Variants in ARHGAP9 observed in about 807,000 individuals in gnomAD.
The protein encoded by ARHGAP9 is rho GTPase-activating protein 9.
In ARHGAP9, 76 loss-of-function variants were observed where a neutral mutation model predicts 87.3. The observed-to-expected ratio is 0.87, with a 90% CI of 0.72 to 1.05. ARHGAP9 has a LOEUF of 1.05. Among genes scored for constraint, ARHGAP9 ranks in the 50% least tolerant of loss-of-function variants. The pLI, the probability that ARHGAP9 is intolerant of heterozygous loss-of-function variation, is 0.00. For missense variants in ARHGAP9, 941 were observed against 960.5 expected, an observed-to-expected ratio of 0.98 and a Z score of 0.27; for synonymous variants, 382 against 394.9, an observed-to-expected ratio of 0.97 and a Z score of 0.39.
At chr12:57,484,547 C>T (rs1409150768), upstream of ARHGAP9, among the ~76,000 whole-genome samples, 3 of 152,120 alleles carry the variant, frequency 2.0e-5, no homozygotes, top group Non-Finnish European at 2.9e-5. Context: ...ACCTTCAATG[C>T]CTTCTACAGT....
At chr12:57,476,689 C>G (rs765635545) in intron 6 of ARHGAP9, 38 bp from the exon 7 acceptor site, 25 of 1,613,106 alleles carry the variant, frequency 1.5e-5, no homozygotes, top group Non-Finnish European at 2.1e-5. Flanking sequence ...AAGTCACCCT[C>G]GCCCTCCATA....
At position 57,474,972 on chromosome 12, in the gene ARHGAP9, G is replaced by A; in HGVS notation, c.1554C>T (p.Asp518=). 1 of 1,613,672 alleles carries A rather than the reference G, an allele frequency of 6.2e-7. No individual in the cohort carries two copies. Among genetic ancestry groups the A allele is most frequent in the Admixed American group, 1.7e-5 (1 of 60,018 alleles). ...ATTCCAACTGGCAGCCGAACACCTG[G>A]TCTGGGGAAGTAGAGTGAGGCGGGA... ...QSLQERGLLR[D]QVFGCQLESL... The change falls in exon 13 of 18, where the codon GAC becomes GAT. Residue 518 remains aspartate (D), a splice_region_variant and synonymous_variant. Transcript: ENST00000393791.
At chr12:57,475,685 C>T (rs1873346367) in intron 10 of ARHGAP9, 70 bp from the exon 11 acceptor site, 4 of 1,572,596 alleles carry the variant, frequency 2.5e-6, no homozygotes, top group Non-Finnish European at 3.5e-6. Flanking sequence ...GGACTCTGAC[C>T]CACTGCCGGG....
Position 57,475,572 on chromosome 12 carries a change from G to A in ARHGAP9, c.1355C>T (p.Pro452Leu). 1.2e-6 allele frequency: 2 copies of A among 1,611,592 alleles called. No individual in the cohort carries two copies. Among genetic ancestry groups the A allele is most frequent in the Non-Finnish European group, 1.7e-6 (2 of 1,179,230 alleles). ...GTCCTCCCCGGCGCTCAGCTCCGCG[G>A]GTCCAGAGCCCGACAGACGCAGCTC... is the stretch of plus-strand genomic sequence containing the variant. ...PLELRLSGSG[P>L]AELSAGEDEE... is the part of the protein sequence containing the mutation. Residue 452 changes from proline to leucine, a missense_variant, in exon 11 of 18, where the codon CCC (proline) becomes CTC (leucine). Pro to Leu is a moderately conservative substitution (Grantham distance 98). Transcript: ENST00000393791.
At chr12:57,474,577 C>T (rs541605179) in intron 14 of ARHGAP9, 49 bp downstream of exon 14, 23 of 1,613,412 alleles carry the variant, frequency 1.4e-5, no homozygotes, top group Non-Finnish European at 1.7e-5. Flanking sequence ...GCCCATGGTT[C>T]TCAGGCAAGA....
rs370040540 is a variant in ARHGAP9 at position 57,476,879 on chromosome 12, C to T, written c.955G>A (p.Asp319Asn). The change falls in exon 6 of 18, where the codon GAC becomes AAC. Residue 319 changes from aspartate (D) to asparagine (N), a missense_variant. Transcript: ENST00000393791. ...APRPLPQLLDDPHEVEKSGLL... is the reference protein window; with the variant it reads ...APRPLPQLLDNPHEVEKSGLL... ...AGAAATGGGAGATTCACATGGGGGT[C>T]GTCCAGGAGCTGCGGCAGAGGTCGA... 54 of 1,613,566 alleles carry T rather than the reference C, an allele frequency of 3.3e-5. No homozygotes were observed. In the African/African-American group the frequency reaches 5.5e-4, roughly 16 times the overall value.
In ARHGAP9 at chr12:57,473,703, A is replaced by T; in HGVS notation, c.1924T>A (p.Ser642Thr). ...TGAGAGAGGCACTGCTCTGATTCGG[A>T]GAGTGCTAGAGAGAGTGATGGGAAA... ...LPHFRAALALSESEQCLSQIQ... is the reference protein window; with the variant it reads ...LPHFRAALALTESEQCLSQIQ... The change falls in exon 17 of 18, where the codon TCC (serine) becomes ACC (threonine). Residue 642 changes from serine to threonine, a missense_variant. By Grantham distance (58) the Ser-to-Thr change is moderately conservative. Transcript: ENST00000393791. 1 of 1,613,414 alleles carries T rather than the reference A, an allele frequency of 6.2e-7. No homozygotes were observed. The highest frequency in any genetic ancestry group is 8.5e-7 in the Non-Finnish European group (1 of 1,179,328).
upstream of ARHGAP9, chr12:57,484,087 T>G: frequency 4.0e-6 from 1 of 251,152 alleles, no homozygotes; most frequent in South Asian, 3.3e-5. Context: ...GTGCGGTGGC[T>G]CACACCTGTA....
Position 57,479,437 on chromosome 12 carries a change from G to T in ARHGAP9, c.-18-13C>A. On this transcript the variant is annotated splice_polypyrimidine_tract_variant and intron_variant, in intron 1 of 17. Transcript: ENST00000393791. ...CCAGCACTGTCACCTGTGAGAAAAAGGGACACTGGAGACCCAGAAGGGAAT... is the reference window on the plus strand; with the variant it reads ...CCAGCACTGTCACCTGTGAGAAAAATGGACACTGGAGACCCAGAAGGGAAT... 6.2e-7 allele frequency: 1 copy of T among 1,601,040 alleles called. No homozygotes were observed. The highest frequency in any genetic ancestry group is 8.5e-7 in the Non-Finnish European group (1 of 1,174,240).
chr12:57,476,147 G>A lies in ARHGAP9; in HGVS notation c.1136C>T (p.Pro379Leu). Residue 379 changes from proline (P) to leucine (L), a missense_variant, in exon 9 of 18, where the codon CCC becomes CTC. Pro to Leu is a moderately conservative substitution (Grantham distance 98). Coordinates refer to ENST00000393791, the MANE Select transcript of ARHGAP9 (RefSeq NM_032496.4). ...CCCGCGCAGGTCCACGCTACTTTCGGGCCGGCTACCCGCTGGTCCCTGACA... is the reference window on the plus strand; with the variant it reads ...CCCGCGCAGGTCCACGCTACTTTCGAGCCGGCTACCCGCTGGTCCCTGACA... ...SSGWGPAGSRPESSVDLRGAA... is the reference protein window; with the variant it reads ...SSGWGPAGSRLESSVDLRGAA... 6.5e-7 allele frequency: 1 copy of A among 1,542,948 alleles called. No individual in the cohort carries two copies. The highest frequency in any genetic ancestry group is 8.7e-7 in the Non-Finnish European group (1 of 1,143,684).
chr12:57,474,296 A>G, intron 15 of ARHGAP9, 120 bp from the exon 16 acceptor site: 1 of 1,573,438 alleles, frequency 6.4e-7, no homozygotes, highest in Non-Finnish European at 8.7e-7. Context: ...GAGGGTCTGC[A>G]GTGGGGCAAG....
In ARHGAP9 at chr12:57,476,071, G is replaced by T; in HGVS notation, c.1212C>A (p.His404Gln). 1 of 1,533,376 alleles carries T rather than the reference G, an allele frequency of 6.5e-7. No homozygotes were observed. Among genetic ancestry groups the T allele is most frequent in the South Asian group, 1.2e-5 (1 of 82,854 alleles). 95.0% of individuals were successfully genotyped at this position (1,533,376 alleles called of 1,614,324 possible). ...RHLSSRRNVL[H>Q]IRTIPGHEFL... is the part of the protein sequence containing the mutation. ...TGGGGACGCGCGGGAGGGCGCTCAC[G>T]TGCAGGACGTTGCGGCGGCTGGACA... is the stretch of plus-strand genomic sequence containing the variant. Residue 404 changes from histidine (H) to glutamine (Q), a missense_variant and splice_region_variant, in exon 9 of 18, where the codon CAC (histidine) becomes CAA (glutamine). Transcript: ENST00000393791.
chr12:57,479,728 A>G lies in ARHGAP9; in HGVS notation c.-19+2T>C. 6.4e-7 allele frequency: 1 copy of G among 1,550,722 alleles called. No individual in the cohort carries two copies. The highest frequency in any genetic ancestry group is 8.7e-7 in the Non-Finnish European group (1 of 1,146,994). ...CTAGGCCAGTAGTTTTCCTCCAAGT[A>G]CCTTGTGGGGCCCATCAGAAGATTC... On this transcript the variant is annotated splice_donor_variant, in intron 1 of 17. Transcript: ENST00000393791. LOFTEE classifies it low-confidence loss of function (5UTR_SPLICE).
In ARHGAP9 at chr12:57,476,600, G is replaced by GC. The variant is rs771769575; in HGVS notation, c.1014dup (p.Arg339AlafsTer17). On this transcript the variant is annotated frameshift_variant, in exon 7 of 18. Coordinates refer to ENST00000393791, the MANE Select transcript of ARHGAP9 (RefSeq NM_032496.4). LOFTEE classifies it high-confidence loss of function. Reference sequence around the variant, plus strand: ...ATTCTGGGTTCTCACCTGAGCTTGCGCCCCCCTTGGGCAATCTTGGTCATG... The same window carrying GC: ...ATTCTGGGTTCTCACCTGAGCTTGCGCCCCCCCTTGGGCAATCTTGGTCATG... The GC allele has an allele frequency of 3.7e-6, 6 of 1,614,118 alleles. No individual in the cohort carries two copies. Among genetic ancestry groups the GC allele is most frequent in the Admixed American group, 1.7e-5 (1 of 60,020 alleles).
chr12:57,477,012 A>T, intron 5 of ARHGAP9, 49 bp from the exon 6 acceptor site: 2 of 1,443,198 alleles, frequency 1.4e-6, no homozygotes, highest in Non-Finnish European at 1.9e-6. Flanking sequence ...CGACTCAGGG[A>T]TCCCTGGCTG....
In ARHGAP9 at chr12:57,479,389, C is replaced by A. The variant is rs1169566907; in HGVS notation, c.18G>T (p.Trp6Cys). Residue 6 changes from tryptophan (W) to cysteine (C), a missense_variant, in exon 2 of 18, where the codon TGG (tryptophan) becomes TGT (cysteine). Coordinates refer to ENST00000393791, the MANE Select transcript of ARHGAP9 (RefSeq NM_032496.4). MLSSR[W>C]WPSSWGILGL... is the part of the protein sequence containing the mutation. Reference sequence around the variant, plus strand: ...CTAGGATCCCCCAGGAACTTGGCCACCACCGGCTGGATAGCATTGTAGCCA... The same window carrying A: ...CTAGGATCCCCCAGGAACTTGGCCAACACCGGCTGGATAGCATTGTAGCCA... 2 of 1,613,346 alleles carry A rather than the reference C, an allele frequency of 1.2e-6. No individual in the cohort carries two copies. Among genetic ancestry groups the A allele is most frequent in the South Asian group, 2.2e-5 (2 of 91,070 alleles).
At chr12:57,480,946 C>A, upstream of ARHGAP9, 1 of 969,130 alleles carries the variant, frequency 1.0e-6, no homozygotes. Flanking sequence ...GGGCTTCTGC[C>A]TCAGTGATCT....
At chr12:57,481,779 C>T (rs1414306348), upstream of ARHGAP9, among the ~76,000 whole-genome samples, 1 of 152,198 alleles carries the variant, frequency 6.6e-6, no homozygotes, top group African/African-American at 2.4e-5. Context: ...GCTGGTATCC[C>T]TCTTACCTTT....
Position 57,476,302 on chromosome 12 carries a change from C to T in ARHGAP9, c.1116+62G>A, listed in dbSNP as rs998097372. The T allele has an allele frequency of 1.5e-5, 24 of 1,582,620 alleles. No homozygotes were observed. In the East Asian group the frequency reaches 2.7e-4, roughly 18 times the overall value. Reference sequence around the variant, plus strand: ...GCACCGCCCTCCCCGCTGCCGCCCCCACATTGGCGTGAGGCGGTAGGCAGC... The same window carrying T: ...GCACCGCCCTCCCCGCTGCCGCCCCTACATTGGCGTGAGGCGGTAGGCAGC... On this transcript the variant is annotated intron_variant, in intron 8 of 17. Transcript: ENST00000393791.
Sources: allele counts gnomAD v4.1 joint callset (sites outside exome capture counted in the v4.1 genomes callset), GRCh38; gene constraint gnomAD v4.1.1; transcripts MANE v1.5; gene names NCBI Gene and HGNC (gene_info 2026-07-23, HGNC 2026-07-21).